Variants in SNX24 observed in about 807,000 individuals in gnomAD.
SNX24 encodes sorting nexin-24.
A neutral mutation model predicts 28.7 loss-of-function variants in SNX24; 22 were observed. The ratio of observed to expected loss-of-function variants is 0.77; its 90% CI spans 0.55 to 1.10. SNX24 has a LOEUF of 1.10. SNX24 is among the 50% of genes least tolerant of loss of function. SNX24 has a pLI of 0.00. For synonymous variants in SNX24, 69 were observed against 71.5 expected (o/e 0.96, Z 0.18); for missense variants, 221 against 201.1 (o/e 1.10, Z -0.60).
At chr5:122,919,254 G>T (rs1170618035) in intron 1 of SNX24, among the ~76,000 whole-genome samples, 1 of 152,192 alleles carries the variant, frequency 6.6e-6, no homozygotes, top group African/African-American at 2.4e-5. Flanking sequence ...AGTGGCTTCC[G>T]CATTTTATGG....
intron 1 of SNX24, among the ~76,000 whole-genome samples, chr5:122,898,305 G>A (rs1757290516): frequency 6.6e-6 from 1 of 152,244 alleles, no homozygotes; most frequent in African/African-American, 2.4e-5. Flanking sequence ...TGTGTTCTAT[G>A]TGGTGGCAAG....
chr5:122,960,229 C>T (rs528725090), intron 3 of SNX24, among the ~76,000 whole-genome samples: 1 of 152,170 alleles, frequency 6.6e-6, no homozygotes, highest in African/African-American at 2.4e-5. Flanking sequence ...CCATCTGCCT[C>T]CTGAGACAAA....
intron 3 of SNX24, among the ~76,000 whole-genome samples, chr5:122,962,899 C>G (rs1241976910): frequency 6.6e-6 from 1 of 152,118 alleles, no homozygotes; most frequent in Non-Finnish European, 1.5e-5. Flanking sequence ...TCAATGACCT[C>G]ACCTAGAGCC....
At chr5:122,990,427 T>A (rs1187873240) in intron 3 of SNX24, among the ~76,000 whole-genome samples, 2 of 152,202 alleles carry the variant, frequency 1.3e-5, no homozygotes, top group Non-Finnish European at 2.9e-5. Flanking sequence ...ACCTAGAAAG[T>A]CCTCATCTAT....
intron 3 of SNX24, among the ~76,000 whole-genome samples, chr5:122,995,864 C>T (rs1762036074): frequency 6.6e-6 from 1 of 152,132 alleles, no homozygotes; most frequent in Non-Finnish European, 1.5e-5. Flanking sequence ...GGCCTGATCC[C>T]ATCGCTACCC....
At chr5:123,028,834 C>T (rs755204093) in intron 5 of SNX24, 124 of 1,613,354 alleles carry the variant, frequency 7.7e-5, no homozygotes, top group Non-Finnish European at 9.1e-5. Flanking sequence ...CTTGATGACA[C>T]GATGAAACTT....
At chr5:122,980,783 A>G (rs1332774178) in intron 3 of SNX24, among the ~76,000 whole-genome samples, 1 of 151,642 alleles carries the variant, frequency 6.6e-6, no homozygotes, top group Non-Finnish European at 1.5e-5. Flanking sequence ...TTCATTTCCA[A>G]GGTGGGAAAA....
At chr5:122,881,073 G>T (rs772424611) in intron 1 of SNX24, among the ~76,000 whole-genome samples, 6 of 152,164 alleles carry the variant, frequency 3.9e-5, no homozygotes, top group African/African-American at 4.8e-5. Flanking sequence ...TGGTTTCCTT[G>T]TAGAAACTCA....
At chr5:123,023,998 C>CAAGCA (rs769810793) in intron 5 of SNX24, 2 of 1,612,434 alleles carry the variant, frequency 1.2e-6, no homozygotes, top group Admixed American at 3.3e-5. Flanking sequence ...TGGAGTGCAC[C>CAAGCA]ACTGTCTGGT....
intron 3 of SNX24, among the ~76,000 whole-genome samples, chr5:122,952,031 CA>C (rs1193608741): frequency 2.6e-5 from 4 of 152,220 alleles, no homozygotes. Flanking sequence ...TAAACTGTTT[CA>C]TGCACAAAAT....
intron 1 of SNX24, among the ~76,000 whole-genome samples, chr5:122,934,379 A>G (rs945098587): frequency 6.6e-6 from 1 of 152,088 alleles, no homozygotes; most frequent in African/African-American, 2.4e-5. Flanking sequence ...CTTTTTTTGG[A>G]AACAGAGTCT....
chr5:122,880,301 C>T (rs561168379), intron 1 of SNX24, among the ~76,000 whole-genome samples: 2 of 152,220 alleles, frequency 1.3e-5, no homozygotes, highest in East Asian at 3.9e-4. Flanking sequence ...TAATTGCATC[C>T]CACATTTGAA....
intron 3 of SNX24, among the ~76,000 whole-genome samples, chr5:122,999,506 T>C (rs1762169543): frequency 6.6e-6 from 1 of 151,990 alleles, no homozygotes; most frequent in Admixed American, 6.6e-5. Flanking sequence ...TCAGACCACT[T>C]TATCACTCAG....
chr5:122,877,859 CT>C (rs1404652333), intron 1 of SNX24, among the ~76,000 whole-genome samples: 2 of 152,088 alleles, frequency 1.3e-5, no homozygotes, highest in Non-Finnish European at 2.9e-5. Flanking sequence ...ATGATGATTC[CT>C]CACTGGACTC....
chr5:123,007,649 TTTTTTTTTTC>T, intron 6 of SNX24, 23 bp from the exon 7 acceptor site: 2 of 1,446,338 alleles, frequency 1.4e-6, no homozygotes, highest in Non-Finnish European at 9.4e-7. Flanking sequence ...GCAGTTTTTC[TTTTTTTTTTC>T]TTTTTTTTTT....
intron 1 of SNX24, among the ~76,000 whole-genome samples, chr5:122,921,481 G>T (rs1473947928): frequency 6.6e-6 from 1 of 152,118 alleles, no homozygotes; most frequent in Non-Finnish European, 1.5e-5. Flanking sequence ...TATGTGTCCT[G>T]ACTTGTGGAA....
rs75007217 is a variant in SNX24, at chr5:122,898,867, G to A, written c.61-37867G>A. Among the ~76,000 whole-genome samples the A allele has an allele frequency of 1.8e-4, 27 of 152,258 alleles. No homozygotes were observed. The East Asian group carries it at 4.2e-3, about 24-fold the overall frequency. ...CTACATGGCTTCTTATTCCTAAGCC[G>A]GCAGGCCAAATGTGGTTGATGGGGC... On this transcript the variant is annotated intron_variant, in intron 1 of 6. Coordinates refer to ENST00000261369, the MANE Select transcript of SNX24 (RefSeq NM_014035.4).
rs1760737111 is a variant in SNX24, at chr5:122,966,884, T to A, written c.249+20725T>A. Among the ~76,000 whole-genome samples, 15 of 152,320 alleles carry A rather than the reference T, an allele frequency of 9.8e-5. No homozygotes were observed. In the South Asian group the frequency reaches 3.1e-3, roughly 32 times the overall value. ...ATTTTTTCCTCAGATCTGGGCTATA[T>A]TTAGCTTGTGTGTTTTTTCCTCATT... On this transcript the variant is annotated intron_variant, in intron 3 of 6. Transcript: ENST00000261369.
At chr5:123,012,647 A>T (rs933144857), downstream of SNX24, among the ~76,000 whole-genome samples, 1 of 152,218 alleles carries the variant, frequency 6.6e-6, no homozygotes, top group African/African-American at 2.4e-5. Flanking sequence ...GGTTAAAATA[A>T]ATTTTATGTC....
Sources: allele counts gnomAD v4.1 joint callset (sites outside exome capture counted in the v4.1 genomes callset), GRCh38; gene constraint gnomAD v4.1.1; transcripts MANE v1.5; gene names NCBI Gene and HGNC (gene_info 2026-07-23, HGNC 2026-07-21).